SLC25A27: variants seen among roughly 807,000 people sequenced by gnomAD.
The protein encoded by SLC25A27 is mitochondrial uncoupling protein 4.
A neutral mutation model predicts 49.1 loss-of-function variants in SLC25A27; 35 were observed. The observed-to-expected ratio is 0.71, with a 90% CI of 0.54 to 0.95. The LOEUF (loss-of-function observed/expected upper bound fraction) is 0.95, where lower values mean the gene tolerates loss of function less well. Among genes scored for constraint, SLC25A27 ranks in the 40% least tolerant of loss-of-function variants. SLC25A27 has a pLI of 0.00. For synonymous variants in SLC25A27, 144 were observed against 136.9 expected, an observed-to-expected ratio of 1.05 and a Z score of -0.36; for missense variants, 339 against 397.1, an observed-to-expected ratio of 0.85 and a Z score of 1.24.
chr6:46,663,648 C>G (rs560509552), intron 4 of SLC25A27, among the ~76,000 whole-genome samples: 1 of 152,024 alleles, frequency 6.6e-6, no homozygotes, highest in Admixed American at 6.5e-5. Flanking sequence ...CCTCTTTGTT[C>G]TTAATGTTGG....
chr6:46,653,580 G>T, intron 1 of SLC25A27: 2 of 985,416 alleles, frequency 2.0e-6, no homozygotes, highest in Non-Finnish European at 2.4e-6. Context: ...TCATTCCTCT[G>T]TAGGAATCAT....
chr6:46,666,897 C>T (rs1278634685), intron 5 of SLC25A27, among the ~76,000 whole-genome samples: 4 of 152,086 alleles, frequency 2.6e-5, no homozygotes, highest in African/African-American at 9.7e-5. Context: ...TATATCCAAG[C>T]AGTCACCAAA....
chr6:46,666,826 G>T (rs867665250), intron 5 of SLC25A27, among the ~76,000 whole-genome samples: 4 of 151,830 alleles, frequency 2.6e-5, no homozygotes, highest in Non-Finnish European at 4.4e-5. Flanking sequence ...CACTCTCTCA[G>T]CTGTACAAGC....
chr6:46,673,170 A>G (rs1324156825), intron 8 of SLC25A27, among the ~76,000 whole-genome samples: 1 of 152,240 alleles, frequency 6.6e-6, no homozygotes, highest in Non-Finnish European at 1.5e-5. Context: ...TTAAAATTAC[A>G]GAAATAATAA....
At chr6:46,656,465 C>T (rs566724667) in intron 2 of SLC25A27, among the ~76,000 whole-genome samples, 8 of 152,208 alleles carry the variant, frequency 5.3e-5, no homozygotes, top group Non-Finnish European at 1.2e-4. Flanking sequence ...CCTGCCTCAG[C>T]CTCCTGAGTA....
intron 2 of SLC25A27, among the ~76,000 whole-genome samples, chr6:46,657,890 T>A (rs1763038334): frequency 6.6e-6 from 1 of 152,192 alleles, no homozygotes; most frequent in South Asian, 2.1e-4. Context: ...TATGTGGGCC[T>A]TAGTCACCCT....
intron 2 of SLC25A27, among the ~76,000 whole-genome samples, chr6:46,657,898 C>T (rs10807344): frequency 0.17 from 25,780 of 152,132 alleles, 2,743 homozygotes; most frequent in South Asian, 0.28. Flanking sequence ...CCTTAGTCAC[C>T]CTTAAAGGAA....
Position 46,653,077 on chromosome 6 carries a change from C to A in SLC25A27, c.-116C>A. 2.1e-6 allele frequency: 2 copies of A among 966,438 alleles called. No homozygotes were observed. The highest frequency in any genetic ancestry group is 3.2e-6 in the Non-Finnish European group (2 of 630,822). 59.9% of individuals were successfully genotyped at this position (966,438 alleles called of 1,614,324 possible). A position where few individuals can be genotyped will look rare whatever the true frequency, so the allele number is the denominator to read the frequency against. ...GGCCGAGCCGAACGAGGGAAATGGT[C>A]CTCACCCGGCCACTCGCCGGTTGAA... On this transcript the variant is annotated 5_prime_UTR_variant, in exon 1 of 9. Transcript: ENST00000371347.
At chr6:46,669,455 G>A (rs921903742) in intron 6 of SLC25A27, among the ~76,000 whole-genome samples, 3 of 152,188 alleles carry the variant, frequency 2.0e-5, no homozygotes, top group African/African-American at 7.2e-5. Context: ...TGACATTATA[G>A]TGATTTCATT....
chr6:46,660,597 C>T (rs994997610), intron 3 of SLC25A27, among the ~76,000 whole-genome samples: 1 of 151,922 alleles, frequency 6.6e-6, no homozygotes, highest in African/African-American at 2.4e-5. Context: ...GATTTGGAAG[C>T]AGTTAAGTAG....
At chr6:46,674,741 A>G (rs767122679) in intron 8 of SLC25A27, among the ~76,000 whole-genome samples, 3 of 152,166 alleles carry the variant, frequency 2.0e-5, no homozygotes, top group African/African-American at 7.2e-5. Flanking sequence ...CCTCTGGCCA[A>G]TGTGTTTTTT....
Position 46,668,756 on chromosome 6 carries a change from C to T in SLC25A27, c.667C>T (p.Pro223Ser), listed in dbSNP as rs1472227791. The change falls in exon 6 of 9, where the codon CCA becomes TCA. Residue 223 changes from proline (P) to serine (S), a missense_variant. Pro to Ser is a moderately conservative substitution (Grantham distance 74). Transcript: ENST00000371347. ...GAAACACTACTTGGTATTGAATACA[C>T]CACTTGAGGACAATATCATGACTCA... Reference protein sequence around the residue: ...TVKHYLVLNTPLEDNIMTHGL... With the variant: ...TVKHYLVLNTSLEDNIMTHGL... 1 of 1,609,266 alleles carries T rather than the reference C, an allele frequency of 6.2e-7. No homozygotes were observed. Among genetic ancestry groups the T allele is most frequent in the African/African-American group, 1.3e-5 (1 of 74,766 alleles).
intron 5 of SLC25A27, 44 bp from the exon 6 acceptor site, chr6:46,668,665 A>G (rs1468066418): frequency 6.3e-6 from 7 of 1,108,634 alleles, no homozygotes; most frequent in African/African-American, 3.1e-5. Flanking sequence ...CACAAAAGAC[A>G]TTCACTGTTG....
chr6:46,675,559 A>G (rs1763745687), intron 8 of SLC25A27, among the ~76,000 whole-genome samples: 1 of 152,150 alleles, frequency 6.6e-6, no homozygotes, highest in Non-Finnish European at 1.5e-5. Context: ...AATACATTTG[A>G]TTTTCTAATT....
chr6:46,669,661 C>T (rs1389631053), intron 6 of SLC25A27, among the ~76,000 whole-genome samples: 1 of 152,120 alleles, frequency 6.6e-6, no homozygotes, highest in African/African-American at 2.4e-5. Context: ...ATGTACTGTT[C>T]TATCTTCTTG....
chr6:46,670,275 C>A (rs1278359135), intron 7 of SLC25A27, 48 bp downstream of exon 7: 1 of 1,196,048 alleles, frequency 8.4e-7, no homozygotes, highest in Non-Finnish European at 1.2e-6. Flanking sequence ...TCTGTAATAC[C>A]TTTGTGTTTT....
chr6:46,670,440 A>G, intron 7 of SLC25A27: 1 of 485,728 alleles, frequency 2.1e-6, no homozygotes, highest in Non-Finnish European at 3.6e-6. Context: ...TTATTTAGAC[A>G]CAAGATTTTT....
At chr6:46,664,348 GATTA>G (rs1227037471) in intron 4 of SLC25A27, among the ~76,000 whole-genome samples, 1 of 152,042 alleles carries the variant, frequency 6.6e-6, no homozygotes, top group African/African-American at 2.4e-5. Flanking sequence ...TTTTTTATGA[GATTA>G]ATTGTTGTTA....
In SLC25A27 at chr6:46,662,503, GT is replaced by G; in HGVS notation, c.506+7del. Reference sequence around the variant, plus strand: ...ACTGGAAGGAAAACCATTGCGGTAAGTTCTCCAATTAACCAATACCTCTCTT... The same window carrying G: ...ACTGGAAGGAAAACCATTGCGGTAAGTCTCCAATTAACCAATACCTCTCTT... On this transcript the variant is annotated splice_donor_region_variant and intron_variant, in intron 4 of 8. Coordinates refer to ENST00000371347, the MANE Select transcript of SLC25A27 (RefSeq NM_004277.5). 2 of 1,613,360 alleles carry G rather than the reference GT, an allele frequency of 1.2e-6. No homozygotes were observed. Among genetic ancestry groups the G allele is most frequent in the Non-Finnish European group, 1.7e-6 (2 of 1,179,774 alleles).
Sources: allele counts gnomAD v4.1 joint callset (sites outside exome capture counted in the v4.1 genomes callset), GRCh38; gene constraint gnomAD v4.1.1; transcripts MANE v1.5; gene names NCBI Gene and HGNC (gene_info 2026-07-23, HGNC 2026-07-21).